Variants in CSMD2 observed in about 807,000 individuals in gnomAD.
The protein encoded by CSMD2 is CUB and sushi domain-containing protein 2.
In CSMD2, 130 loss-of-function variants were observed where a neutral mutation model predicts 398.5. The ratio of observed to expected loss-of-function variants is 0.33; its 90% confidence interval spans 0.28 to 0.38. The LOEUF is 0.38. Among genes scored for constraint, CSMD2 ranks in the 10% least tolerant of loss-of-function variants. CSMD2 has a pLI of 1.00. For synonymous variants in CSMD2, 1,828 were observed against 1,908.5 expected (o/e 0.96, Z 1.10); for missense variants, 3,829 against 4,764.9 (o/e 0.80, Z 5.78).
chr1:33,626,235 G>C (rs948800633), intron 33 of CSMD2, among the ~76,000 whole-genome samples: 9 of 152,162 alleles, frequency 5.9e-5, no homozygotes, highest in African/African-American at 2.2e-4. Context: ...GTGGGGAAGG[G>C]GAAAAAACTG....
intron 10 of CSMD2, chr1:33,804,864 T>C (rs1656036986): frequency 1.4e-6 from 1 of 717,442 alleles, no homozygotes; most frequent in Non-Finnish European, 2.6e-6. Context: ...TAGACCCTCC[T>C]TGTTGCATTG....
intron 2 of CSMD2, among the ~76,000 whole-genome samples, chr1:34,088,511 A>G (rs1658179450): frequency 6.6e-6 from 1 of 152,026 alleles, no homozygotes; most frequent in Admixed American, 6.6e-5. Flanking sequence ...GAGGGTGAGA[A>G]CTCCCCCAAA....
At position 33,533,870 on chromosome 1, in the gene CSMD2, T is replaced by C. The variant is rs763631113; in HGVS notation, c.9917A>G (p.Tyr3306Cys). Reference sequence around the variant, plus strand: ...CCTGGTGGTGGAGCCCTGAAGCAGGTAGCCTTTTTGACAACGGAAGAGGAC... The same window carrying C: ...CCTGGTGGTGGAGCCCTGAAGCAGGCAGCCTTTTTGACAACGGAAGAGGAC... ...STVLFRCQKG[Y>C]LLQGSTTRTC... The change falls in exon 63 of 71, where the codon TAC becomes TGC. Residue 3306 changes from tyrosine to cysteine, a missense_variant. Transcript: ENST00000373381. The surrounding 1 kb of genome is among the most constrained non-coding windows in gnomAD (Gnocchi z 4.2). The C allele has an allele frequency of 6.2e-7, 1 of 1,614,072 alleles. No individual in the cohort carries two copies. The highest frequency in any genetic ancestry group is 8.5e-7 in the Non-Finnish European group (1 of 1,179,950).
intron 5 of CSMD2, among the ~76,000 whole-genome samples, chr1:33,855,378 C>G (rs1394143315): frequency 6.6e-6 from 1 of 152,052 alleles, no homozygotes; most frequent in South Asian, 2.1e-4. Context: ...CCCTATGGCC[C>G]CCATTTGAGG....
chr1:33,700,206 A>G (rs1645563929), intron 23 of CSMD2, among the ~76,000 whole-genome samples: 1 of 151,974 alleles, frequency 6.6e-6, no homozygotes, highest in Non-Finnish European at 1.5e-5. Context: ...ATGGGGTTTC[A>G]CCATCTTGGC....
At chr1:33,765,958 T>C (rs1650431069) in intron 13 of CSMD2, among the ~76,000 whole-genome samples, 1 of 152,028 alleles carries the variant, frequency 6.6e-6, no homozygotes, top group South Asian at 2.1e-4. Context: ...AAGACTGAAG[T>C]CTCTATCCAG....
intron 52 of CSMD2, 121 bp from the exon 53 acceptor site, chr1:33,567,962 T>C (rs976610566): frequency 8.1e-7 from 1 of 1,229,208 alleles, no homozygotes; most frequent in African/African-American, 1.5e-5. Context: ...ACAAAAATAG[T>C]GTTGAGGACT....
rs982608574 is a variant in CSMD2, at chr1:33,557,588, G to T, written c.8743+146C>A. 8 of 751,204 alleles carry T rather than the reference G, an allele frequency of 1.1e-5. No homozygotes were observed. The African/African-American group carries it at 1.2e-4, about 12-fold the overall frequency. 46.5% of individuals were successfully genotyped at this position (751,204 alleles called of 1,614,324 possible). ...AATCCCAGGAGTAGCCAGAGTGACT[G>T]TCACCATAAGGCAACTCATACATGT... On this transcript the variant is annotated intron_variant, in intron 55 of 70. Transcript: ENST00000373381.
Position 33,533,798 on chromosome 1 carries a change from A to C in CSMD2, c.9989T>G (p.Val3330Gly). 1 of 1,607,934 alleles carries C rather than the reference A, an allele frequency of 6.2e-7. No individual in the cohort carries two copies. The highest frequency in any genetic ancestry group is 8.5e-7 in the Non-Finnish European group (1 of 1,174,454). ...LTWSGTPPDC[V>G]PHHCRQPETP... is the part of the protein sequence containing the mutation. ...ATGTGGGTGAAGTCTGCACTCACGG[A>C]CACAGTCAGGTGGGGTTCCACTCCA... Residue 3330 changes from valine (V) to glycine (G), a missense_variant and splice_region_variant, in exon 63 of 71, where the codon GTC becomes GGC. Val to Gly is a moderately radical substitution (Grantham distance 109). Transcript: ENST00000373381. The surrounding 1 kb of genome is among the most constrained non-coding windows in gnomAD (Gnocchi z 4.2).
At position 33,964,722 on chromosome 1, in the gene CSMD2, A is replaced by G. The variant is rs76740177; in HGVS notation, c.518-28768T>C. ...AAAGCCCCTGCTCCCAGACCCCAGAAGTGAGGCCTTCCTGGCCCTAGATGG... is the reference window on the plus strand; with the variant it reads ...AAAGCCCCTGCTCCCAGACCCCAGAGGTGAGGCCTTCCTGGCCCTAGATGG... On this transcript the variant is annotated intron_variant, in intron 3 of 70. Coordinates refer to ENST00000373381, the MANE Select transcript of CSMD2 (RefSeq NM_001281956.2). 7.9e-3 allele frequency among the ~76,000 whole-genome samples: 1,197 copies of G among 152,180 alleles called. 21 individuals carry two copies. The highest frequency in any genetic ancestry group is 0.028 in the African/African-American group (1,154 of 41,508).
intron 50 of CSMD2, 28 bp from the exon 51 acceptor site, chr1:33,571,754 A>G: frequency 7.2e-7 from 1 of 1,396,918 alleles, no homozygotes; most frequent in Non-Finnish European, 9.5e-7. Flanking sequence ...AGAAAGGAGG[A>G]TTAATTACTT....
intron 6 of CSMD2, among the ~76,000 whole-genome samples, chr1:33,841,575 C>T (rs1262586493): frequency 6.6e-6 from 1 of 152,024 alleles, no homozygotes; most frequent in Non-Finnish European, 1.5e-5. Context: ...TTTCCATAGA[C>T]TTGAAACATT....
chr1:33,695,312 G>T (rs555708459), intron 24 of CSMD2, among the ~76,000 whole-genome samples: 1 of 152,314 alleles, frequency 6.6e-6, no homozygotes, highest in African/African-American at 2.4e-5. Context: ...TTCCAGGAAA[G>T]AATTGCAGTG....
chr1:34,061,941 T>A (rs925863697), intron 2 of CSMD2, among the ~76,000 whole-genome samples: 1 of 152,180 alleles, frequency 6.6e-6, no homozygotes, highest in South Asian at 2.1e-4. Context: ...GAGGCAATGG[T>A]TGGGTCAGCT....
At chr1:33,747,550 G>A (rs1179929340) in intron 13 of CSMD2, among the ~76,000 whole-genome samples, 1 of 152,188 alleles carries the variant, frequency 6.6e-6, no homozygotes, top group Non-Finnish European at 1.5e-5. Context: ...GTAGTTCAGG[G>A]AGGAAAAAAG....
At chr1:33,963,359 C>A (rs571454533) in intron 3 of CSMD2, among the ~76,000 whole-genome samples, 1 of 152,254 alleles carries the variant, frequency 6.6e-6, no homozygotes, top group African/African-American at 2.4e-5. Context: ...TCAGCATGGG[C>A]TCTCTTACAG....
At chr1:34,114,982 T>G (rs1661467678) in intron 1 of CSMD2, among the ~76,000 whole-genome samples, 1 of 152,008 alleles carries the variant, frequency 6.6e-6, no homozygotes, top group Non-Finnish European at 1.5e-5. Context: ...AGGGGTTCAA[T>G]AACAGACTTA....
At chr1:33,965,999 T>C (rs1014597417) in intron 3 of CSMD2, among the ~76,000 whole-genome samples, 2 of 152,182 alleles carry the variant, frequency 1.3e-5, no homozygotes, top group Admixed American at 6.5e-5. Flanking sequence ...ATAAGTCCAG[T>C]GGCCAAGGAA....
chr1:33,574,767 AAG>A (rs1319003058), intron 49 of CSMD2, among the ~76,000 whole-genome samples: 5 of 152,226 alleles, frequency 3.3e-5, no homozygotes, highest in African/African-American at 1.2e-4. Context: ...AATGAGAAAT[AAG>A]AGAGTGTTTA....
Sources: allele counts gnomAD v4.1 joint callset (sites outside exome capture counted in the v4.1 genomes callset), GRCh38; gene constraint gnomAD v4.1.1; non-coding constraint Gnocchi (gnomAD v3.1); transcripts MANE v1.5; gene names NCBI Gene and HGNC (gene_info 2026-07-23, HGNC 2026-07-21).